Variants in SDK2 observed in about 807,000 individuals in gnomAD.
The protein encoded by SDK2 is sidekick cell adhesion molecule 2.
A neutral mutation model predicts 253.9 loss-of-function variants in SDK2; 105 were observed. The ratio of observed to expected loss-of-function variants is 0.41; its 90% CI spans 0.35 to 0.49. The LOEUF (loss-of-function observed/expected upper bound fraction) is 0.49. Among genes scored for constraint, SDK2 ranks in the 20% least tolerant of loss-of-function variants. SDK2 has a pLI of 0.06. For synonymous variants in SDK2, 1,249 were observed against 1,234.9 expected (o/e 1.01, Z -0.24); for missense variants, 2,608 against 3,003.0 (o/e 0.87, Z 3.07).
At chr17:73,499,129 G>GCT (rs1307125087) in intron 2 of SDK2, among the ~76,000 whole-genome samples, 1 of 152,232 alleles carries the variant, frequency 6.6e-6, no homozygotes, top group Non-Finnish European at 1.5e-5. Flanking sequence ...TCTGCTGCCT[G>GCT]CTCTCTCTTC....
intron 33 of SDK2, among the ~76,000 whole-genome samples, 166 bp from the exon 34 acceptor site, chr17:73,381,116 G>A (rs920460013): frequency 6.6e-6 from 1 of 152,228 alleles, no homozygotes; most frequent in Admixed American, 6.5e-5. Flanking sequence ...TTACGGGCCA[G>A]GATAACAGGG....
intron 1 of SDK2, among the ~76,000 whole-genome samples, chr17:73,546,154 C>T (rs922630661): frequency 2.6e-5 from 4 of 152,160 alleles, no homozygotes; most frequent in Non-Finnish European, 4.4e-5. Context: ...CCTGGACCCA[C>T]CCCAGCTGCC....
intron 2 of SDK2, among the ~76,000 whole-genome samples, chr17:73,498,771 G>A (rs2063863401): frequency 6.6e-6 from 1 of 152,192 alleles, no homozygotes. Context: ...TGGAGTGTTT[G>A]TTAATAAGAG....
At chr17:73,569,937 G>A (rs913770139) in intron 1 of SDK2, among the ~76,000 whole-genome samples, 1 of 152,130 alleles carries the variant, frequency 6.6e-6, no homozygotes, top group Non-Finnish European at 1.5e-5. Flanking sequence ...AAAAGCGGCC[G>A]AGGAGCCTCT....
rs150858732 is a variant in SDK2 at position 73,390,411 on chromosome 17, G to T, written c.4068C>A (p.Ser1356Arg). ...NTATVEVLAP[S>R]ARQYTATGLK... is the part of the protein sequence containing the mutation. ...GGCCCGTGGCTGTGTACTGCCGGGC[G>T]CTGGGTGCCAGCACCTCCACAGTGG... The change falls in exon 29 of 45, where the codon AGC becomes AGA. Residue 1356 changes from serine to arginine, a missense_variant. Physicochemically the swap from Ser to Arg is moderately radical, Grantham distance 110 (BLOSUM62 -1). This residue lies in a region of SDK2 where 1,103 missense variants were observed against 1,143.9 expected (regional missense o/e 0.96). Coordinates refer to ENST00000392650, the MANE Select transcript of SDK2 (RefSeq NM_001144952.2). The T allele has an allele frequency of 1.9e-6, 3 of 1,612,758 alleles. No individual in the cohort carries two copies. Among genetic ancestry groups the T allele is most frequent in the South Asian group, 1.1e-5 (1 of 90,860 alleles).
At chr17:73,568,939 CA>C (rs1198883063) in intron 1 of SDK2, among the ~76,000 whole-genome samples, 1 of 152,202 alleles carries the variant, frequency 6.6e-6, no homozygotes, top group Non-Finnish European at 1.5e-5. Flanking sequence ...AAAGTGCACA[CA>C]GGGGGCAAAG....
At chr17:73,617,198 G>A (rs2143171059) in intron 1 of SDK2, among the ~76,000 whole-genome samples, 1 of 145,888 alleles carries the variant, frequency 6.9e-6, no homozygotes, top group East Asian at 2.1e-4. Context: ...GAGGGGAGGG[G>A]CCTCCTGCAG....
At chr17:73,393,458 C>T in intron 27 of SDK2, 102 bp downstream of exon 27, 1 of 1,104,688 alleles carries the variant, frequency 9.1e-7, no homozygotes, top group Non-Finnish European at 1.2e-6. Flanking sequence ...GGCCATGGCT[C>T]CCTGTGGGGC....
intron 1 of SDK2, among the ~76,000 whole-genome samples, chr17:73,549,526 A>G (rs1212637980): frequency 1.3e-5 from 2 of 152,136 alleles, no homozygotes; most frequent in African/African-American, 2.4e-5. Context: ...CCAACTGAAG[A>G]GGAAGTCTTG....
intron 3 of SDK2, among the ~76,000 whole-genome samples, chr17:73,468,728 T>C (rs577851270): frequency 3.3e-5 from 5 of 152,158 alleles, no homozygotes; most frequent in Non-Finnish European, 5.9e-5. Context: ...GGTTTCACTG[T>C]GTTAGCCAGG....
chr17:73,616,000 C>T (rs563713551), intron 1 of SDK2, among the ~76,000 whole-genome samples: 11 of 152,230 alleles, frequency 7.2e-5, no homozygotes, highest in East Asian at 1.9e-4. Context: ...CACGTACACA[C>T]GCATGCATGT....
intron 18 of SDK2, among the ~76,000 whole-genome samples, chr17:73,405,675 A>G (rs1475549778): frequency 3.3e-5 from 5 of 150,758 alleles, no homozygotes; most frequent in Admixed American, 2.6e-4. Context: ...TACCTGATAT[A>G]AAAAGGTGTA....
chr17:73,626,315 A>G (rs1004969561), intron 1 of SDK2, among the ~76,000 whole-genome samples: 1 of 152,182 alleles, frequency 6.6e-6, no homozygotes, highest in Non-Finnish European at 1.5e-5. Context: ...GACAGGGGCC[A>G]GTTGTCTTCA....
chr17:73,405,458 AC>A (rs2063065153), intron 18 of SDK2, among the ~76,000 whole-genome samples: 1 of 105,830 alleles, frequency 9.4e-6, no homozygotes, highest in Non-Finnish European at 1.9e-5. Context: ...AAAAAAACAA[AC>A]AAAAAACCAT....
At chr17:73,416,199 A>AT (rs55713710) in intron 16 of SDK2, among the ~76,000 whole-genome samples, 18 of 120,310 alleles carry the variant, frequency 1.5e-4, no homozygotes, top group East Asian at 4.9e-4. Flanking sequence ...AATGAATTCA[A>AT]TTTTTTTTTT....
chr17:73,340,632 T>C (rs1599463665), intron 44 of SDK2, among the ~76,000 whole-genome samples: 1 of 151,364 alleles, frequency 6.6e-6, no homozygotes, highest in Non-Finnish European at 1.5e-5. Context: ...TGCCTGTGCC[T>C]GTCCACGTGT....
At chr17:73,540,093 C>T (rs1197498807) in intron 1 of SDK2, among the ~76,000 whole-genome samples, 4 of 149,528 alleles carry the variant, frequency 2.7e-5, no homozygotes, top group African/African-American at 7.4e-5. Context: ...CTGTGAGCCA[C>T]GGTACCCAGG....
chr17:73,537,573 G>C (rs2044798113), intron 1 of SDK2, among the ~76,000 whole-genome samples: 1 of 152,078 alleles, frequency 6.6e-6, no homozygotes, highest in Non-Finnish European at 1.5e-5. Context: ...CCTGGAGGGT[G>C]GGGGCTGGGG....
chr17:73,491,005 T>C (rs982493395), intron 2 of SDK2, among the ~76,000 whole-genome samples: 11 of 152,214 alleles, frequency 7.2e-5, no homozygotes, highest in Non-Finnish European at 1.6e-4. Context: ...AGAGCCCCAG[T>C]GGGCTTCTAG....
Sources: allele counts gnomAD v4.1 joint callset (sites outside exome capture counted in the v4.1 genomes callset), GRCh38; gene constraint gnomAD v4.1.1; regional missense constraint gnomAD v4.1.1; transcripts MANE v1.5; gene names NCBI Gene and HGNC (gene_info 2026-07-23, HGNC 2026-07-21).